The following GFM2 variants were observed in gnomAD, a reference collection of about 807,000 sequenced individuals.
The protein encoded by GFM2 is GTP dependent ribosome recycling factor mitochondrial 2.
Under a neutral mutation model 95.4 loss-of-function variants are expected in GFM2, and 72 were observed. The ratio of observed to expected loss-of-function variants is 0.76; its 90% confidence interval spans 0.62 to 0.92. GFM2 has a LOEUF of 0.92. Among genes scored for constraint, GFM2 ranks in the 40% least tolerant of loss-of-function variants. The pLI, the probability that GFM2 is intolerant of heterozygous loss-of-function variation, is 0.00. For synonymous variants in GFM2, 276 were observed against 317.5 expected, an observed-to-expected ratio of 0.87 and a Z score of 1.39; for missense variants, 825 against 924.1, an observed-to-expected ratio of 0.89 and a Z score of 1.39.
chr5:74,755,270 A>C (rs1743921660), intron 5 of GFM2, among the ~76,000 whole-genome samples: 1 of 152,188 alleles, frequency 6.6e-6, no homozygotes, highest in Non-Finnish European at 1.5e-5. Flanking sequence ...AGTTAAGAAA[A>C]TCAAAATTAT....
At chr5:74,762,425 A>G (rs987988863) in intron 2 of GFM2, among the ~76,000 whole-genome samples, 1 of 152,210 alleles carries the variant, frequency 6.6e-6, no homozygotes, top group African/African-American at 2.4e-5. Context: ...TTATGTGACC[A>G]TAATTTTTGT....
intron 12 of GFM2, among the ~76,000 whole-genome samples, chr5:74,739,144 T>C (rs1579989616): frequency 6.6e-6 from 1 of 152,216 alleles, no homozygotes; most frequent in East Asian, 1.9e-4. Flanking sequence ...TCTCCTGCAA[T>C]TGCCAAATTT....
In GFM2 at chr5:74,750,614, C is replaced by T; in HGVS notation, c.484G>A (p.Ala162Thr). The change falls in exon 7 of 21, where the codon GCA becomes ACA. Residue 162 changes from alanine (A) to threonine (T), a missense_variant. Coordinates refer to ENST00000296805, the MANE Select transcript of GFM2 (RefSeq NM_032380.5). ...GCAGAGGCATCAAATACAGCCACTG[C>T]ACCATCCAACACTCTTAGGCACCGC... ...VERCLRVLDG[A>T]VAVFDASAGV... is the part of the protein sequence containing the mutation. The T allele has an allele frequency of 6.2e-7, 1 of 1,613,400 alleles. No homozygotes were observed. Among genetic ancestry groups the T allele is most frequent in the Non-Finnish European group, 8.5e-7 (1 of 1,179,532 alleles).
At chr5:74,759,808 C>T (rs930570826) in intron 3 of GFM2, among the ~76,000 whole-genome samples, 1 of 152,078 alleles carries the variant, frequency 6.6e-6, no homozygotes, top group Non-Finnish European at 1.5e-5. Context: ...GTCCTATAAA[C>T]CTGCCTTTTC....
intron 1 of GFM2, among the ~76,000 whole-genome samples, chr5:74,765,789 G>C (rs1744552752): frequency 6.6e-6 from 1 of 151,908 alleles, no homozygotes; most frequent in South Asian, 2.1e-4. Context: ...CTGAAGTCAG[G>C]AGTTCGAAAC....
chr5:74,722,745 C>A, intron 19 of GFM2, 184 bp from the exon 20 acceptor site: 2 of 528,862 alleles, frequency 3.8e-6, no homozygotes, highest in Non-Finnish European at 6.6e-6. Context: ...ATTTATAGAT[C>A]TTTTGTATGG....
chr5:74,761,040 A>G (rs1744257518), intron 2 of GFM2, 54 bp from the exon 3 acceptor site: 1 of 981,440 alleles, frequency 1.0e-6, no homozygotes, highest in Non-Finnish European at 1.6e-6. Context: ...ATCACTTATT[A>G]CAGTGTTAAT....
chr5:74,733,598 G>C (rs569632897), intron 15 of GFM2, among the ~76,000 whole-genome samples: 22 of 152,272 alleles, frequency 1.4e-4, no homozygotes, highest in African/African-American at 5.1e-4. Context: ...TGGGCAAAAG[G>C]AAGAATAGCA....
intron 8 of GFM2, among the ~76,000 whole-genome samples, chr5:74,747,258 A>G (rs1580000802): frequency 1.3e-5 from 2 of 152,338 alleles, no homozygotes; most frequent in East Asian, 3.9e-4. Flanking sequence ...TATTGACAGT[A>G]TCTTACCCAG....
At chr5:74,759,740 T>G (rs1744186552) in intron 3 of GFM2, among the ~76,000 whole-genome samples, 3 of 152,070 alleles carry the variant, frequency 2.0e-5, no homozygotes, top group Admixed American at 2.0e-4. Context: ...GAATAAATGC[T>G]CATAATAATA....
chr5:74,744,809 A>C (rs1743296644), intron 10 of GFM2, among the ~76,000 whole-genome samples: 1 of 152,236 alleles, frequency 6.6e-6, no homozygotes, highest in Non-Finnish European at 1.5e-5. Flanking sequence ...ACAGCAAAAA[A>C]GAGAAACAAC....
At position 74,725,691 on chromosome 5, in the gene GFM2, A is replaced by C; in HGVS notation, c.1977T>G (p.Pro659=). ...AITLHSLTIH[P]GTSTTMISAC... ...CAGAAATCATAGTTGTGGAGGTGCC[A>C]GGATGAATTGTCAGGGAATGTAAAG... is the stretch of plus-strand genomic sequence containing the variant. Residue 659 remains proline, a synonymous_variant, in exon 19 of 21, where the codon CCT becomes CCG. Transcript: ENST00000296805. 1 of 1,613,978 alleles carries C rather than the reference A, an allele frequency of 6.2e-7. No homozygotes were observed.
intron 5 of GFM2, among the ~76,000 whole-genome samples, chr5:74,754,270 T>TA (rs1212775727): frequency 7.6e-6 from 1 of 130,804 alleles, no homozygotes; most frequent in Admixed American, 7.9e-5. Context: ...CCTTAAAGCA[T>TA]AAATCTCACA....
chr5:74,735,226 C>T (rs1742774000), intron 15 of GFM2, among the ~76,000 whole-genome samples: 2 of 152,128 alleles, frequency 1.3e-5, no homozygotes, highest in African/African-American at 4.8e-5. Flanking sequence ...CTGTTAGGCC[C>T]ATTTTAACTT....
chr5:74,724,405 A>G (rs1750054733), intron 19 of GFM2, among the ~76,000 whole-genome samples: 1 of 151,004 alleles, frequency 6.6e-6, no homozygotes, highest in African/African-American at 2.4e-5. Flanking sequence ...TGGGAGGCCG[A>G]GGTTGGCAGA....
At chr5:74,747,311 C>T (rs1743437199) in intron 8 of GFM2, among the ~76,000 whole-genome samples, 1 of 152,160 alleles carries the variant, frequency 6.6e-6, no homozygotes, top group African/African-American at 2.4e-5. Context: ...CCTTCAAATG[C>T]AGGAAACAGT....
chr5:74,762,410 T>C (rs1744329467), intron 2 of GFM2, among the ~76,000 whole-genome samples: 1 of 152,222 alleles, frequency 6.6e-6, no homozygotes, highest in African/African-American at 2.4e-5. Context: ...TGAGCTCTTA[T>C]CATGTTATGT....
intron 15 of GFM2, among the ~76,000 whole-genome samples, chr5:74,735,725 T>C (rs1418680813): frequency 6.6e-6 from 1 of 152,080 alleles, no homozygotes; most frequent in East Asian, 1.9e-4. Flanking sequence ...TCACAATTAT[T>C]TTACTGTGGG....
At chr5:74,742,009 T>C (rs1424743800) in intron 10 of GFM2, among the ~76,000 whole-genome samples, 1 of 152,186 alleles carries the variant, frequency 6.6e-6, no homozygotes, top group Non-Finnish European at 1.5e-5. Flanking sequence ...ATATTCTGAA[T>C]GTTCACCAGA....
Sources: gnomAD v4.1 joint callset for allele counts (sites outside exome capture counted in the v4.1 genomes callset) on GRCh38, gnomAD v4.1.1 for gene constraint, MANE v1.5 for transcripts, NCBI Gene and HGNC (gene_info 2026-07-23, HGNC 2026-07-21) for gene names.